Variants in HDAC9 observed in about 807,000 individuals in gnomAD.
HDAC9 encodes histone deacetylase 9.
In HDAC9, 41 loss-of-function variants were observed where a neutral mutation model predicts 139.4. The ratio of observed to expected loss-of-function variants is 0.29; its 90% confidence interval spans 0.23 to 0.38. The LOEUF is 0.38. Ranked by LOEUF, HDAC9 falls within the 10% of genes least tolerant of loss-of-function variation. The probability of loss-of-function intolerance (pLI) is 1.00; values close to 1 mark genes in which losing one functional copy is unlikely to be tolerated. For missense variants in HDAC9, 1,147 were observed against 1,297.0 expected, an observed-to-expected ratio of 0.88 and a Z score of 1.78; for synonymous variants, 517 against 476.2, an observed-to-expected ratio of 1.09 and a Z score of -1.12.
intron 1 of HDAC9, among the ~76,000 whole-genome samples, chr7:18,293,099 C>G (rs961415237): frequency 4.1e-4 from 63 of 151,958 alleles, no homozygotes; most frequent in African/African-American, 1.5e-3. Context: ...CAATCTGATA[C>G]AATTTGCAAT....
intron 16 of HDAC9, among the ~76,000 whole-genome samples, chr7:18,785,749 A>C (rs2129173873): frequency 6.6e-6 from 1 of 152,254 alleles, no homozygotes; most frequent in East Asian, 1.9e-4. Context: ...TGATTTTACT[A>C]GCATAAAAAT....
chr7:18,942,100 A>T (rs112177861), intron 23 of HDAC9, among the ~76,000 whole-genome samples: 2,150 of 152,172 alleles, frequency 0.014, 47 homozygotes, highest in African/African-American at 0.049. Context: ...CATTTATCTG[A>T]CCATTCATTA....
intron 1 of HDAC9, among the ~76,000 whole-genome samples, chr7:18,348,860 AT>A (rs1315196088): frequency 6.6e-6 from 1 of 152,128 alleles, no homozygotes; most frequent in Non-Finnish European, 1.5e-5. Flanking sequence ...TGCTTGTATT[AT>A]TTAATCTTCA....
At chr7:18,862,359 AGAG>A (rs1798174339) in intron 21 of HDAC9, among the ~76,000 whole-genome samples, 5 of 152,344 alleles carry the variant, frequency 3.3e-5, no homozygotes, top group Admixed American at 6.5e-5. Context: ...ATATGACTTT[AGAG>A]TTAATCTAAA....
chr7:18,140,016 A>G (rs1172853880), intron 1 of HDAC9, among the ~76,000 whole-genome samples: 6 of 152,190 alleles, frequency 3.9e-5, no homozygotes, highest in Non-Finnish European at 8.8e-5. Flanking sequence ...GGTTGTGGTC[A>G]TTTGTTATGG....
chr7:18,619,029 T>C (rs2128935259), intron 6 of HDAC9, among the ~76,000 whole-genome samples: 1 of 152,192 alleles, frequency 6.6e-6, no homozygotes, highest in East Asian at 1.9e-4. Flanking sequence ...GAAATGATAA[T>C]TCAAAATGAT....
In HDAC9 at chr7:18,600,024, A is replaced by T. The variant is rs74551489; in HGVS notation, c.664+5995A>T. On this transcript the variant is annotated intron_variant, in intron 6 of 25. Transcript: ENST00000686413. ...TCTAATACGTATGTAGTGGTTTCTCATTGTGGTTTTAATTTGTAATTCCCT... is the reference window on the plus strand; with the variant it reads ...TCTAATACGTATGTAGTGGTTTCTCTTTGTGGTTTTAATTTGTAATTCCCT... Among the ~76,000 whole-genome samples the T allele has an allele frequency of 1.0e-4, 15 of 150,324 alleles. No individual in the cohort carries two copies. The East Asian group carries it at 2.9e-3, about 29-fold the overall frequency.
At chr7:18,106,071 A>T (rs1268033108) in intron 1 of HDAC9, among the ~76,000 whole-genome samples, 5 of 152,172 alleles carry the variant, frequency 3.3e-5, no homozygotes, top group Non-Finnish European at 7.3e-5. Context: ...GGGGAATGAG[A>T]TGTGACTGCT....
At chr7:18,732,049 G>A (rs10245337) in intron 13 of HDAC9, among the ~76,000 whole-genome samples, 4,780 of 152,068 alleles carry the variant, frequency 0.031, 249 homozygotes, top group African/African-American at 0.11. Flanking sequence ...TAGTAGAGAC[G>A]GGATTTCTGT....
In HDAC9 at chr7:18,527,526, G is replaced by GA. The variant is rs561581151; in HGVS notation, c.22+31209dup. The stretch of plus-strand genomic sequence containing the variant: ...AAGTTGTTAGATTTGTGATAATACC[G>GA]AAAAAAATCCCTCTTTTGGTTTTAT... On this transcript the variant is annotated intron_variant, in intron 2 of 25. Coordinates refer to ENST00000686413, the MANE Select transcript of HDAC9 (RefSeq NM_178425.4). Among the ~76,000 whole-genome samples the GA allele has an allele frequency of 3.5e-3, 526 of 151,894 alleles. 5 individuals are homozygous for GA. The highest frequency in any genetic ancestry group is 3.0e-3 in the Non-Finnish European group (207 of 67,942).
chr7:18,846,698 C>T (rs930479998), intron 21 of HDAC9, among the ~76,000 whole-genome samples: 7 of 152,086 alleles, frequency 4.6e-5, no homozygotes, highest in Admixed American at 4.6e-4. Flanking sequence ...AGGCTTGGGG[C>T]AAAGAATGGA....
intron 1 of HDAC9, among the ~76,000 whole-genome samples, chr7:18,469,474 C>T (rs956117751): frequency 6.6e-6 from 1 of 151,630 alleles, no homozygotes; most frequent in South Asian, 2.1e-4. Context: ...CTCACATTAA[C>T]GAGAAAAAAA....
At chr7:18,428,984 G>A (rs79997059) in intron 1 of HDAC9, 5,893 of 152,290 alleles carry the variant, frequency 0.039, 123 homozygotes, top group Middle Eastern at 0.068. Context: ...GTGCTCAATT[G>A]TCACCTTCTC....
chr7:18,943,926 A>G (rs918358465), intron 23 of HDAC9, among the ~76,000 whole-genome samples: 1 of 152,158 alleles, frequency 6.6e-6, no homozygotes, highest in Non-Finnish European at 1.5e-5. Context: ...TCAGTGTAGT[A>G]ACTTGATTGT....
intron 23 of HDAC9, among the ~76,000 whole-genome samples, chr7:18,951,889 G>A (rs1197486962): frequency 1.3e-5 from 2 of 151,748 alleles, no homozygotes; most frequent in Admixed American, 6.6e-5. Context: ...AGACAATCCA[G>A]TTCTGTGGTC....
chr7:18,400,354 TGATTTGGAGAG>T (rs1787425873), intron 1 of HDAC9, among the ~76,000 whole-genome samples: 1 of 152,136 alleles, frequency 6.6e-6, no homozygotes, highest in African/African-American at 2.4e-5. Context: ...GCTGTATCAA[TGATTTGGAGAG>T]TGATTGACAG....
At chr7:18,942,712 A>G (rs918838864) in intron 23 of HDAC9, among the ~76,000 whole-genome samples, 1 of 152,092 alleles carries the variant, frequency 6.6e-6, no homozygotes, top group African/African-American at 2.4e-5. Flanking sequence ...AATTGTGTGT[A>G]TCTCTGCTTA....
At chr7:18,802,254 T>C (rs969344928) in intron 17 of HDAC9, among the ~76,000 whole-genome samples, 31 of 151,966 alleles carry the variant, frequency 2.0e-4, no homozygotes, top group African/African-American at 7.5e-4. Context: ...ATTTCCATTA[T>C]CTCCTTTTTT....
At chr7:18,335,934 C>T (rs1251474809) in intron 1 of HDAC9, among the ~76,000 whole-genome samples, 2 of 151,512 alleles carry the variant, frequency 1.3e-5, no homozygotes, top group African/African-American at 4.8e-5. Flanking sequence ...GTCACACAGA[C>T]ATTTTGTAGT....
Sources: allele counts gnomAD v4.1 joint callset (sites outside exome capture counted in the v4.1 genomes callset), GRCh38; gene constraint gnomAD v4.1.1; transcripts MANE v1.5; gene names NCBI Gene and HGNC (gene_info 2026-07-23, HGNC 2026-07-21).